Variants in OTOF observed in about 807,000 individuals in gnomAD.
OTOF encodes the protein otoferlin.
In OTOF, 218 loss-of-function variants were observed where a neutral mutation model predicts 236.8. The observed-to-expected ratio is 0.92, with a 90% confidence interval of 0.82 to 1.03. The LOEUF is 1.03. OTOF is among the 50% of genes least tolerant of loss of function. The pLI, the probability that OTOF is intolerant of heterozygous loss-of-function variation, is 0.00. For missense variants in OTOF, 2,590 were observed against 2,694.4 expected (o/e 0.96, Z 0.86); for synonymous variants, 1,041 against 1,072.5 (o/e 0.97, Z 0.57).
chr2:26,487,656 A>C (rs3739076), intron 11 of OTOF, among the ~76,000 whole-genome samples: 78,743 of 152,010 alleles, frequency 0.52, 21,216 homozygotes, highest in East Asian at 0.91. Flanking sequence ...TTAGACTAAT[A>C]TCTGCCTTTT....
intron 5 of OTOF, among the ~76,000 whole-genome samples, chr2:26,504,436 T>C (rs987256344): frequency 1.1e-4 from 17 of 152,190 alleles, no homozygotes; most frequent in African/African-American, 4.1e-4. Context: ...CCTCTCCGTG[T>C]TCTGGGATGC....
rs1664652208 is a variant in OTOF at position 26,464,890 on chromosome 2, A to G, written c.4939T>C (p.Ser1647Pro). ...KVANRVFTGP[S>P]EIEDENGQRK... ...TTACCGTTCTCGTCCTCAATCTCAG[A>G]GGGCCCAGTGAAGACGCGGTTGGCC... Residue 1647 changes from serine to proline, a missense_variant, in exon 39 of 47, where the codon TCT (serine) becomes CCT (proline). Coordinates refer to ENST00000272371, the MANE Select transcript of OTOF (RefSeq NM_194248.3). The G allele has an allele frequency of 6.2e-7, 1 of 1,602,634 alleles. No homozygotes were observed. The highest frequency in any genetic ancestry group is 8.5e-7 in the Non-Finnish European group (1 of 1,174,240).
chr2:26,465,087 G>A, intron 38 of OTOF, 58 bp from the exon 39 acceptor site: 1 of 1,393,298 alleles, frequency 7.2e-7, no homozygotes, highest in South Asian at 1.8e-5. Flanking sequence ...CATCCTGGAT[G>A]ACAGCTGGTC....
rs577957993 is a variant in OTOF, at chr2:26,558,363, C to G, written c.79+130G>C. ...GCAGATGACTACCTGTGAAAAGGCT[C>G]GTCGCCCCAGCCCCTGCTAGAACTT... On this transcript the variant is annotated intron_variant, in intron 1 of 46. Transcript: ENST00000272371. 12 of 787,204 alleles carry G rather than the reference C, an allele frequency of 1.5e-5. 1 individual carries two copies. Among genetic ancestry groups the G allele is most frequent in the South Asian group, 1.1e-4 (8 of 69,668 alleles). 48.8% of individuals were successfully genotyped at this position (787,204 alleles called of 1,614,324 possible).
chr2:26,464,845 C>A (rs202215715), intron 39 of OTOF, 24 bp downstream of exon 39: 2 of 1,596,030 alleles, frequency 1.3e-6, no homozygotes, highest in South Asian at 1.1e-5. Context: ...AGGGGGCAGG[C>A]GGCTGCATCC....
chr2:26,526,223 T>C (rs1453063292), intron 3 of OTOF, among the ~76,000 whole-genome samples: 1 of 148,520 alleles, frequency 6.7e-6, no homozygotes, highest in Non-Finnish European at 1.5e-5. Flanking sequence ...AAGGATTGGG[T>C]TGATGAATGA....
chr2:26,482,761 ATGTG>A (rs1011753838), intron 13 of OTOF, among the ~76,000 whole-genome samples, 169 bp from the exon 14 acceptor site: 1 of 120,186 alleles, frequency 8.3e-6, no homozygotes, highest in Non-Finnish European at 1.7e-5. Context: ...GAGTGGGTGC[ATGTG>A]TGAGTGGGTG....
chr2:26,492,101 A>C (rs1243913833), intron 9 of OTOF, among the ~76,000 whole-genome samples: 1 of 152,194 alleles, frequency 6.6e-6, no homozygotes, highest in Non-Finnish European at 1.5e-5. Flanking sequence ...AAGAAAAGGG[A>C]AACAAAGCTT....
Position 26,540,186 on chromosome 2 carries a change from C to T in OTOF, c.80-2412G>A, listed in dbSNP as rs372920274. ...GGCCTCAAGTGATCTCCCACCTCGGCCTCCCAAAGTGCTGGGATTATAGGT... is the reference window on the plus strand; with the variant it reads ...GGCCTCAAGTGATCTCCCACCTCGGTCTCCCAAAGTGCTGGGATTATAGGT... On this transcript the variant is annotated intron_variant, in intron 1 of 46. Transcript: ENST00000272371. Among the ~76,000 whole-genome samples, 3 of 152,200 alleles carry T rather than the reference C, an allele frequency of 2.0e-5. No individual in the cohort carries two copies. In the East Asian group the frequency reaches 5.8e-4, roughly 29 times the overall value.
chr2:26,459,246 CT>C (rs1394268357), intron 46 of OTOF, among the ~76,000 whole-genome samples: 1 of 152,202 alleles, frequency 6.6e-6, no homozygotes, highest in African/African-American at 2.4e-5. Flanking sequence ...CAGCTTCTTT[CT>C]GCCAATGAAA....
In OTOF at chr2:26,537,781, G is replaced by A; in HGVS notation, c.80-7C>T. 1 of 1,550,380 alleles carries A rather than the reference G, an allele frequency of 6.5e-7. No homozygotes were observed. Among genetic ancestry groups the A allele is most frequent in the Non-Finnish European group, 8.7e-7 (1 of 1,145,320 alleles). ...CGAGAGTAGAAGGATTGCCCTGTGG[G>A]GAAAGAGGAAATAAATTCTAGGGTC... On this transcript the variant is annotated splice_polypyrimidine_tract_variant and splice_region_variant and intron_variant, in intron 1 of 46. Coordinates refer to ENST00000272371, the MANE Select transcript of OTOF (RefSeq NM_194248.3).
Position 26,535,760 on chromosome 2 carries a change from A to G in OTOF, c.138+1956T>C, listed in dbSNP as rs1256786177. ...TGGGATATCTCAAGCCCGGCCTGGCATGCACTAGATGCTCGGAATGTGGCC... is the reference window on the plus strand; with the variant it reads ...TGGGATATCTCAAGCCCGGCCTGGCGTGCACTAGATGCTCGGAATGTGGCC... On this transcript the variant is annotated intron_variant, in intron 2 of 46. Transcript: ENST00000272371. Among the ~76,000 whole-genome samples the G allele has an allele frequency of 2.0e-5, 3 of 152,208 alleles. No individual in the cohort carries two copies. The South Asian group carries it at 6.2e-4, about 31-fold the overall frequency.
Position 26,516,418 on chromosome 2 carries a change from C to T in OTOF, c.509G>A (p.Arg170Lys). Residue 170 changes from arginine (R) to lysine (K), a missense_variant and splice_region_variant, in exon 5 of 47, where the codon AGA becomes AAA. By Grantham distance (26) the Arg-to-Lys change is conservative. This residue lies in a region of OTOF where 1,379 missense variants were observed against 1,341.6 expected (regional missense o/e 1.03). Transcript: ENST00000272371. ...SRPPGEKSFRRAGRSVFSAMK... is the reference protein window; with the variant it reads ...SRPPGEKSFRKAGRSVFSAMK... ...CAGCCAGAGGGGTCCTGCCTGTTAC[C>T]TCCGGAAGCTCTTCTCTCCTGGGGG... The T allele has an allele frequency of 6.2e-7, 1 of 1,613,592 alleles. No homozygotes were observed. Among genetic ancestry groups the T allele is most frequent in the Non-Finnish European group, 8.5e-7 (1 of 1,179,698 alleles).
chr2:26,558,246 G>A lies in OTOF; in HGVS notation c.79+247C>T, dbSNP rs538377894. On this transcript the variant is annotated intron_variant, in intron 1 of 46. Coordinates refer to ENST00000272371, the MANE Select transcript of OTOF (RefSeq NM_194248.3). ...CAGAGGGCTCTGTGCCCTGCCCGGG[G>A]AACTGGCATGTTGGCAAGCACAAGG... Among the ~76,000 whole-genome samples, 95 of 152,182 alleles carry A rather than the reference G, an allele frequency of 6.2e-4. No individual in the cohort carries two copies. In the South Asian group the frequency reaches 7.1e-3, roughly 11 times the overall value.
At chr2:26,505,012 G>A (rs1194676842) in intron 5 of OTOF, among the ~76,000 whole-genome samples, 1 of 152,128 alleles carries the variant, frequency 6.6e-6, no homozygotes, top group East Asian at 1.9e-4. Flanking sequence ...ATAGGAGGTT[G>A]GGGAAAACCT....
At chr2:26,486,016 A>G (rs979903831) in intron 11 of OTOF, among the ~76,000 whole-genome samples, 13 of 152,222 alleles carry the variant, frequency 8.5e-5, no homozygotes, top group African/African-American at 2.9e-4. Flanking sequence ...AGAAAGCTCA[A>G]TGAATGGGTG....
chr2:26,519,251 C>T, intron 3 of OTOF, 142 bp from the exon 4 acceptor site: 1 of 668,292 alleles, frequency 1.5e-6, no homozygotes, highest in Non-Finnish European at 2.7e-6. Context: ...GAAGGTGGCC[C>T]AGGAGCCAGG....
intron 39 of OTOF, among the ~76,000 whole-genome samples, chr2:26,464,391 C>T (rs1045362532): frequency 6.6e-6 from 1 of 151,954 alleles, no homozygotes; most frequent in Non-Finnish European, 1.5e-5. Flanking sequence ...GGAGAATCCA[C>T]TTCCTGTCCC....
chr2:26,473,029 C>G lies in OTOF; in HGVS notation c.3733+103G>C. 7.6e-7 allele frequency: 1 copy of G among 1,312,958 alleles called. No homozygotes were observed. 81.3% of individuals were successfully genotyped at this position (1,312,958 alleles called of 1,614,324 possible). ...TTCTTCTATGCCCACCCCCTCGGCCCCAAAGAGCAAACTCTGGTCGCGGCT... is the reference window on the plus strand; with the variant it reads ...TTCTTCTATGCCCACCCCCTCGGCCGCAAAGAGCAAACTCTGGTCGCGGCT... On this transcript the variant is annotated intron_variant, in intron 29 of 46. Transcript: ENST00000272371. The surrounding 1 kb of genome is among the most constrained non-coding windows in gnomAD (Gnocchi z 7.2).
Sources: gnomAD v4.1 joint callset for allele counts (sites outside exome capture counted in the v4.1 genomes callset) on GRCh38, gnomAD v4.1.1 for gene constraint, gnomAD v4.1.1 regional missense constraint, Gnocchi (gnomAD v3.1) non-coding constraint, MANE v1.5 for transcripts, NCBI Gene and HGNC (gene_info 2026-07-23, HGNC 2026-07-21) for gene names.